The following INSL6 variants were observed in gnomAD, a reference collection of about 807,000 sequenced individuals.
The protein encoded by INSL6 is insulin like 6.
In INSL6, 16 loss-of-function variants were observed where a neutral mutation model predicts 9.4. The observed-to-expected ratio is 1.70, with a 90% CI of 1.15 to 2.59. INSL6 has a LOEUF of 2.59. INSL6 is among the 30% of genes most tolerant of loss of function. INSL6 has a pLI of 0.00. For synonymous variants in INSL6, 154 were observed against 96.9 expected, an observed-to-expected ratio of 1.59 and a Z score of -3.46; for missense variants, 391 against 257.3, an observed-to-expected ratio of 1.52 and a Z score of -3.56.
At chr9:5,114,153 G>T in the INSL6 span, 1 of 414,346 alleles carries the variant, frequency 2.4e-6, no homozygotes. Flanking sequence ...TGAGGACAGT[G>T]CCAAGAAGTG....
At chr9:5,161,136 G>C (rs1271570627), downstream of INSL6, among the ~76,000 whole-genome samples, 1 of 152,012 alleles carries the variant, frequency 6.6e-6, no homozygotes, top group African/African-American at 2.4e-5. Context: ...CATCAAAAAA[G>C]GAAAACTACA....
chr9:5,112,509 T>A, the INSL6 span: 1 of 560,588 alleles, frequency 1.8e-6, no homozygotes, highest in Admixed American at 2.8e-5. Context: ...AAGATGACCT[T>A]TTCCCCCCAG....
At chr9:5,136,208 C>T (rs1824384382) in intron 2 of INSL6, among the ~76,000 whole-genome samples, 1 of 152,120 alleles carries the variant, frequency 6.6e-6, no homozygotes, top group African/African-American at 2.4e-5. Flanking sequence ...AGGACCAGTA[C>T]CATTCCTTCT....
chr9:5,047,227 A>G, the INSL6 span, among the ~76,000 whole-genome samples: 15 of 152,376 alleles, frequency 9.8e-5, no homozygotes, highest in Non-Finnish European at 1.9e-4. Flanking sequence ...GACTATATAT[A>G]GCAAATGTGA....
At chr9:5,169,804 A>T (rs111573904) in intron 1 of INSL6, among the ~76,000 whole-genome samples, 33,745 of 152,054 alleles carry the variant, frequency 0.22, 4,427 homozygotes, top group South Asian at 0.29. Context: ...TCAATTCAAT[A>T]AGAAGAGCTT....
chr9:5,096,951 C>T, the INSL6 span: 3 of 152,074 alleles, frequency 2.0e-5, no homozygotes, highest in Admixed American at 1.3e-4. Context: ...GGCATTTCCA[C>T]GGATAAATAA....
chr9:5,000,279 T>G, the INSL6 span, among the ~76,000 whole-genome samples: 3 of 152,160 alleles, frequency 2.0e-5, no homozygotes, highest in African/African-American at 7.2e-5. Flanking sequence ...GTGACAGAGT[T>G]TTTGGTATAG....
the INSL6 span, among the ~76,000 whole-genome samples, chr9:5,067,474 ATTATT>A: frequency 1.3e-5 from 2 of 152,052 alleles, no homozygotes; most frequent in African/African-American, 4.8e-5. Context: ...TTGTTATTCA[ATTATT>A]TTAATTTTTA....
chr9:5,132,129 T>C (rs376484544), intron 3 of INSL6: 1 of 152,322 alleles, frequency 6.6e-6, no homozygotes, highest in African/African-American at 2.4e-5. Flanking sequence ...TTGAAAAATG[T>C]TGAAGTTGAA....
the INSL6 span, among the ~76,000 whole-genome samples, chr9:5,026,659 T>C: frequency 9.8e-5 from 15 of 152,354 alleles, no homozygotes; most frequent in East Asian, 2.7e-3. Context: ...GGTTATTCTG[T>C]GGAACTTCTA....
chr9:5,155,108 A>T (rs961382131), intron 2 of INSL6, among the ~76,000 whole-genome samples: 3 of 151,672 alleles, frequency 2.0e-5, no homozygotes, highest in Non-Finnish European at 2.9e-5. Context: ...GGATTAAGAA[A>T]ATGTGGCACA....
chr9:5,163,972 A>G lies in INSL6; in HGVS notation c.583T>C (p.Tyr195His), dbSNP rs1824985590. ...KEELSIACLP[Y>H]IDFKRLKEKR... ...TCCTTTAGCCTTTTAAAATCAATAT[A>G]TGGAAGACATGCAATGCTAAGTTCT... Residue 195 changes from tyrosine to histidine, a missense_variant, in exon 2 of 2, where the codon TAT becomes CAT. By Grantham distance (83) the Tyr-to-His change is moderately conservative. Transcript: ENST00000381641. 4 of 1,611,816 alleles carry G rather than the reference A, an allele frequency of 2.5e-6. No homozygotes were observed. The highest frequency in any genetic ancestry group is 1.1e-5 in the South Asian group (1 of 90,884).
the INSL6 span, among the ~76,000 whole-genome samples, chr9:5,118,310 A>G: frequency 6.6e-6 from 1 of 152,048 alleles, no homozygotes; most frequent in Non-Finnish European, 1.5e-5. Context: ...CTCATTCCAA[A>G]TTTTGCATAA....
chr9:5,066,794 G>A, the INSL6 span: 1 of 1,367,516 alleles, frequency 7.3e-7, no homozygotes, highest in Non-Finnish European at 1.0e-6. Context: ...GTCGAGGTTA[G>A]TATGTCACAC....
the INSL6 span, among the ~76,000 whole-genome samples, chr9:5,001,981 A>G: frequency 6.6e-6 from 1 of 152,080 alleles, no homozygotes; most frequent in South Asian, 2.1e-4. Context: ...CTATCTTTTT[A>G]TATCCACTTA....
the INSL6 span, among the ~76,000 whole-genome samples, chr9:5,069,445 TATG>T: frequency 1.3e-5 from 2 of 152,198 alleles, no homozygotes; most frequent in Non-Finnish European, 2.9e-5. Context: ...TAATGTGTGG[TATG>T]ATGTCATTTA....
At chr9:5,179,242 C>A (rs1035600944) in intron 1 of INSL6, among the ~76,000 whole-genome samples, 3 of 151,918 alleles carry the variant, frequency 2.0e-5, no homozygotes, top group South Asian at 4.2e-4. Flanking sequence ...ATATATGTGG[C>A]CAACAAACAA....
the INSL6 span, among the ~76,000 whole-genome samples, chr9:5,052,674 C>A: frequency 6.6e-6 from 1 of 152,058 alleles, no homozygotes; most frequent in Non-Finnish European, 1.5e-5. Context: ...CCTCTGGAAA[C>A]CACTTATCTT....
At chr9:5,078,943 T>A in the INSL6 span, among the ~76,000 whole-genome samples, 8 of 152,242 alleles carry the variant, frequency 5.3e-5, no homozygotes, top group Non-Finnish European at 1.0e-4. Flanking sequence ...AATACAAATT[T>A]CAGTCAGATA....
Sources: gnomAD v4.1 joint callset for allele counts (sites outside exome capture counted in the v4.1 genomes callset) on GRCh38, gnomAD v4.1.1 for gene constraint, MANE v1.5 for transcripts, NCBI Gene and HGNC (gene_info 2026-07-23, HGNC 2026-07-21) for gene names.